The following CADM1 variants were observed in gnomAD, a reference collection of about 807,000 sequenced individuals.
The protein encoded by CADM1 is TSLC-1.
In CADM1, 15 loss-of-function variants were observed where a neutral mutation model predicts 53.1. The ratio of observed to expected loss-of-function variants is 0.28; its 90% CI spans 0.19 to 0.44. CADM1 has a LOEUF of 0.44. CADM1 is among the 20% of genes least tolerant of loss of function. The pLI, the probability that CADM1 is intolerant of heterozygous loss-of-function variation, is 1.00. For missense variants in CADM1, 434 were observed against 611.3 expected (o/e 0.71, Z 3.06); for synonymous variants, 281 against 243.0 (o/e 1.16, Z -1.45).
chr11:115,240,468 A>G lies in CADM1; in HGVS notation c.125-48T>C, dbSNP rs56737005. 1.9e-6 allele frequency: 3 copies of G among 1,600,050 alleles called. No individual in the cohort carries two copies. The East Asian group carries it at 6.7e-5, about 36-fold the overall frequency. On this transcript the variant is annotated intron_variant, in intron 1 of 11. Coordinates refer to ENST00000331581, the MANE Select transcript of CADM1 (RefSeq NM_001301043.2). ...TCAGAGGAAAATTTCCATCAATTAA[A>G]ATGTGATCAGTGGGATCTATTAAAG...
In CADM1 at chr11:115,178,915, T is replaced by C. The variant is rs534793598; in HGVS notation, c.1166-140A>G. On this transcript the variant is annotated intron_variant, in intron 10 of 11. Transcript: ENST00000331581. ...AGAGAACAATCGAGATGGATCAAGTTACACTGAGGTAACAGGCTGACCTGT... is the reference window on the plus strand; with the variant it reads ...AGAGAACAATCGAGATGGATCAAGTCACACTGAGGTAACAGGCTGACCTGT... 1,176 of 889,538 alleles carry C rather than the reference T, an allele frequency of 1.3e-3. 2 individuals are homozygous for C. The highest frequency in any genetic ancestry group is 3.9e-3 in the Middle Eastern group (13 of 3,338). The allele number at this position is 889,538 out of a possible 1,614,324, so 55.1% of individuals were successfully genotyped here.
At chr11:115,268,730 CT>C (rs1943214084) in intron 1 of CADM1, among the ~76,000 whole-genome samples, 1 of 152,172 alleles carries the variant, frequency 6.6e-6, no homozygotes, top group African/African-American at 2.4e-5. Context: ...TGCGAAGCGG[CT>C]TTAAAGGCAT....
chr11:115,358,637 T>C (rs1430646166), intron 1 of CADM1, among the ~76,000 whole-genome samples: 1 of 152,192 alleles, frequency 6.6e-6, no homozygotes, highest in African/African-American at 2.4e-5. Flanking sequence ...TATTACACTC[T>C]TTTTATCCGG....
intron 1 of CADM1, among the ~76,000 whole-genome samples, chr11:115,278,289 T>C (rs1489072110): frequency 6.6e-6 from 1 of 152,222 alleles, no homozygotes; most frequent in African/African-American, 2.4e-5. Flanking sequence ...GCTATCATTA[T>C]TACTAGTCAC....
chr11:115,479,932 C>G (rs1425630426), intron 1 of CADM1, among the ~76,000 whole-genome samples: 1 of 152,140 alleles, frequency 6.6e-6, no homozygotes. Context: ...CAACAGACAA[C>G]AGGAGAGATA....
intron 1 of CADM1, among the ~76,000 whole-genome samples, chr11:115,326,891 G>A (rs1230080381): frequency 6.6e-6 from 1 of 152,118 alleles, no homozygotes; most frequent in Admixed American, 6.5e-5. Context: ...TATCAAATAT[G>A]TTATCTGAGA....
intron 1 of CADM1, among the ~76,000 whole-genome samples, chr11:115,486,928 G>C (rs1949385674): frequency 6.6e-6 from 1 of 152,160 alleles, no homozygotes; most frequent in Non-Finnish European, 1.5e-5. Flanking sequence ...AGGTGCCCGT[G>C]ATCTGAAATC....
In CADM1 at chr11:115,173,969, C is replaced by A. The variant is rs1049041319; in HGVS notation, c.*2505G>T. 1 of 958,128 alleles carries A rather than the reference C, an allele frequency of 1.0e-6. No individual in the cohort carries two copies. The highest frequency in any genetic ancestry group is 1.8e-5 in the African/African-American group (1 of 56,624). 59.4% of individuals were successfully genotyped at this position (958,128 alleles called of 1,614,324 possible). ...TCAACCTGTACAAAGTAATACTCAA[C>A]AATACATTTCAAACAGTGCACTGTA... On this transcript the variant is annotated 3_prime_UTR_variant, in exon 12 of 12. Coordinates refer to ENST00000331581, the MANE Select transcript of CADM1 (RefSeq NM_001301043.2).
chr11:115,180,358 T>C (rs1319319267), intron 10 of CADM1, among the ~76,000 whole-genome samples: 1 of 152,176 alleles, frequency 6.6e-6, no homozygotes, highest in Non-Finnish European at 1.5e-5. Context: ...CAAACAGAAA[T>C]GCCAAATCAG....
At position 115,210,030 on chromosome 11, in the gene CADM1, C is replaced by T. The variant is rs1029603039; in HGVS notation, c.995-373G>A. On this transcript the variant is annotated intron_variant, in intron 7 of 11. Coordinates refer to ENST00000331581, the MANE Select transcript of CADM1 (RefSeq NM_001301043.2). Reference sequence around the variant, plus strand: ...ATTTCGTTTCAGCTTTTACAGATGGCAGGAAGGAGGAGGAGGAGGTGGTGC... The same window carrying T: ...ATTTCGTTTCAGCTTTTACAGATGGTAGGAAGGAGGAGGAGGAGGTGGTGC... Among the ~76,000 whole-genome samples the T allele has an allele frequency of 1.5e-4, 23 of 152,128 alleles. 1 individual carries two copies. Among genetic ancestry groups the T allele is most frequent in the African/African-American group, 4.8e-5 (2 of 41,420 alleles).
chr11:115,343,919 A>G (rs1945511632), intron 1 of CADM1, among the ~76,000 whole-genome samples: 1 of 152,154 alleles, frequency 6.6e-6, no homozygotes, highest in Non-Finnish European at 1.5e-5. Context: ...TATAATCTCA[A>G]AATAGCAGAC....
intron 1 of CADM1, among the ~76,000 whole-genome samples, chr11:115,449,544 C>T (rs1948526369): frequency 6.6e-6 from 1 of 152,148 alleles, no homozygotes; most frequent in African/African-American, 2.4e-5. Context: ...TCAGAAGCAG[C>T]TCCAGCCTAA....
At chr11:115,229,307 G>A in intron 4 of CADM1, 36 bp from the exon 5 acceptor site, 1 of 1,610,486 alleles carries the variant, frequency 6.2e-7, no homozygotes, top group East Asian at 2.2e-5. Flanking sequence ...CACCAGAGTT[G>A]GGTGAATTTC....
intron 1 of CADM1, among the ~76,000 whole-genome samples, chr11:115,344,516 C>G (rs1257645961): frequency 6.6e-6 from 1 of 152,124 alleles, no homozygotes; most frequent in Non-Finnish European, 1.5e-5. Context: ...TCAACCATGG[C>G]AGACACCACT....
chr11:115,413,955 T>C (rs1369903978), intron 1 of CADM1, among the ~76,000 whole-genome samples: 2 of 152,230 alleles, frequency 1.3e-5, no homozygotes, highest in African/African-American at 4.8e-5. Context: ...AGTTCAGTTC[T>C]TAACCATTAT....
At chr11:115,180,566 C>A (rs1272579769) in intron 10 of CADM1, among the ~76,000 whole-genome samples, 1 of 152,086 alleles carries the variant, frequency 6.6e-6, no homozygotes, top group Admixed American at 6.5e-5. Context: ...TTGCCAACTG[C>A]AGATGCTACA....
Position 115,481,346 on chromosome 11 carries a change from A to G in CADM1, c.124+22925T>C, listed in dbSNP as rs1949253918. Among the ~76,000 whole-genome samples the G allele has an allele frequency of 2.0e-5, 3 of 152,152 alleles. No individual in the cohort carries two copies. The South Asian group carries it at 6.2e-4, about 32-fold the overall frequency. On this transcript the variant is annotated intron_variant, in intron 1 of 11. Transcript: ENST00000331581. Reference sequence around the variant, plus strand: ...CCTGTAGCATTTGACACTGTGGCTCACTCACCTTCTTAGATGCCAAAACAA... The same window carrying G: ...CCTGTAGCATTTGACACTGTGGCTCGCTCACCTTCTTAGATGCCAAAACAA...
intron 2 of CADM1, 105 bp downstream of exon 2, chr11:115,240,169 A>G (rs1294437207): frequency 2.0e-6 from 2 of 1,018,250 alleles, no homozygotes; most frequent in East Asian, 2.5e-5. Flanking sequence ...CTAAACTTTA[A>G]GCATCTAACA....
At chr11:115,267,798 G>A (rs1321905190) in intron 1 of CADM1, among the ~76,000 whole-genome samples, 1 of 151,034 alleles carries the variant, frequency 6.6e-6, no homozygotes, top group African/African-American at 2.4e-5. Context: ...AACATGGCTG[G>A]GTGGACAGTT....
Sources: gnomAD v4.1 joint callset for allele counts (sites outside exome capture counted in the v4.1 genomes callset) on GRCh38, gnomAD v4.1.1 for gene constraint, MANE v1.5 for transcripts, NCBI Gene and HGNC (gene_info 2026-07-23, HGNC 2026-07-21) for gene names.